The following LOXHD1 variants were observed in gnomAD, a reference collection of about 807,000 sequenced individuals.
LOXHD1 encodes lipoxygenase homology PLAT domains 1.
A neutral mutation model predicts 248.2 loss-of-function variants in LOXHD1; 205 were observed. The ratio of observed to expected loss-of-function variants is 0.83; its 90% CI spans 0.74 to 0.93. The LOEUF (loss-of-function observed/expected upper bound fraction) is 0.93, where lower values mean the gene tolerates loss of function less well. Ranked by LOEUF, LOXHD1 falls within the 40% of genes least tolerant of loss-of-function variation. The pLI is 0.00. For synonymous variants in LOXHD1, 1,113 were observed against 1,162.8 expected (o/e 0.96, Z 0.87); for missense variants, 2,930 against 2,971.6 (o/e 0.99, Z 0.33).
Position 46,484,999 on chromosome 18 carries a change from C to T in LOXHD1, c.6182+20G>A. The T allele has an allele frequency of 5.8e-6, 9 of 1,549,256 alleles. No individual in the cohort carries two copies. Among genetic ancestry groups the T allele is most frequent in the Non-Finnish European group, 7.9e-6 (9 of 1,145,054 alleles). On this transcript the variant is annotated intron_variant, in intron 39 of 40. Transcript: ENST00000642948. Reference sequence around the variant, plus strand: ...TACCTACCCACCCCCCACCACTTCCCATGGGCCTCCCCTTCCTACTTCCTA... The same window carrying T: ...TACCTACCCACCCCCCACCACTTCCTATGGGCCTCCCCTTCCTACTTCCTA...
Position 46,654,102 on chromosome 18 carries a change from G to A in LOXHD1, c.130+2802C>T, listed in dbSNP as rs192634618. ...CCCCTCGTGAAAGGGATTGGGTGCC[G>A]TTATAAAGGGGCTTGTCCTTCTGCC... On this transcript the variant is annotated intron_variant, in intron 1 of 40. Coordinates refer to ENST00000642948, the MANE Select transcript of LOXHD1 (RefSeq NM_001384474.1). 1.1e-3 allele frequency among the ~76,000 whole-genome samples: 172 copies of A among 152,290 alleles called. 1 individual carries two copies. Among genetic ancestry groups the A allele is most frequent in the African/African-American group, 3.7e-3 (154 of 41,566 alleles).
intron 5 of LOXHD1, among the ~76,000 whole-genome samples, chr18:46,612,388 A>G (rs2038521615): frequency 6.6e-6 from 1 of 152,154 alleles, no homozygotes; most frequent in South Asian, 2.1e-4. Context: ...ACATTAACAT[A>G]TATTTTTTAA....
At chr18:46,643,575 T>C (rs2038990187) in intron 2 of LOXHD1, among the ~76,000 whole-genome samples, 1 of 152,132 alleles carries the variant, frequency 6.6e-6, no homozygotes. Context: ...CAAAGGAGAA[T>C]AACAACACAC....
intron 34 of LOXHD1, among the ~76,000 whole-genome samples, chr18:46,517,479 C>A (rs2144074143): frequency 6.6e-6 from 1 of 152,236 alleles, no homozygotes; most frequent in African/African-American, 2.4e-5. Context: ...GAGGAAAAGA[C>A]TAAGTGTATC....
chr18:46,505,994 T>C lies in LOXHD1; in HGVS notation c.5722A>G (p.Ile1908Val), dbSNP rs781097312. 36 of 1,552,148 alleles carry C rather than the reference T, an allele frequency of 2.3e-5. No individual in the cohort carries two copies. Among genetic ancestry groups the C allele is most frequent in the Middle Eastern group, 3.3e-4 (2 of 6,020 alleles). Residue 1908 changes from isoleucine (I) to valine (V), a missense_variant, in exon 37 of 41, where the codon ATC becomes GTC. Physicochemically the swap from Ile to Val is conservative, Grantham distance 29. Coordinates refer to ENST00000642948, the MANE Select transcript of LOXHD1 (RefSeq NM_001384474.1). Reference sequence around the variant, plus strand: ...CTATCCCCGTTCTCCCCGAAGATGATGATGAACACGTTGGCATCAGTGCCT... The same window carrying C: ...CTATCCCCGTTCTCCCCGAAGATGACGATGAACACGTTGGCATCAGTGCCT... The part of the protein sequence containing the change: ...GAGTDANVFI[I>V]IFGENGDSGT...
chr18:46,560,048 T>TGCCTGCGCCC, intron 19 of LOXHD1, 35 bp downstream of exon 19: 2 of 1,226,298 alleles, frequency 1.6e-6, no homozygotes, highest in Non-Finnish European at 2.3e-6. Flanking sequence ...GTCTGGCCAC[T>TGCCTGCGCCC]CCCTCCCCAC....
chr18:46,484,981 C>G, intron 39 of LOXHD1, 38 bp downstream of exon 39: 1 of 1,541,310 alleles, frequency 6.5e-7, no homozygotes, highest in Non-Finnish European at 8.8e-7. Flanking sequence ...CCTTACCTAC[C>G]CACCCCCCAC....
chr18:46,554,323 G>C (rs1323472009), intron 21 of LOXHD1, among the ~76,000 whole-genome samples: 1 of 152,204 alleles, frequency 6.6e-6, no homozygotes, highest in Non-Finnish European at 1.5e-5. Context: ...CATGTCAACA[G>C]TGAGGGAGAT....
At position 46,529,300 on chromosome 18, in the gene LOXHD1, C is replaced by T. The variant is rs1171297100; in HGVS notation, c.4407G>A (p.Gly1469=). The stretch of plus-strand genomic sequence containing the variant: ...CATCCGTCCCTGCCCCAGGAATGTT[C>T]CCTGTGAAGATCTGCACCGAGTACA... The part of the protein sequence containing the change: ...IVLYSVQIFT[G]NIPGAGTDAK... The change falls in exon 29 of 41, where the codon GGG becomes GGA. Residue 1469 remains glycine, a synonymous_variant. Transcript: ENST00000642948. The T allele has an allele frequency of 1.3e-6, 2 of 1,551,304 alleles. No homozygotes were observed. Among genetic ancestry groups the T allele is most frequent in the Non-Finnish European group, 8.7e-7 (1 of 1,146,730 alleles).
At chr18:46,558,634 A>T (rs78736644) in intron 20 of LOXHD1, among the ~76,000 whole-genome samples, 12,649 of 152,282 alleles carry the variant, frequency 0.083, 750 homozygotes, top group Non-Finnish European at 0.13. Flanking sequence ...GTTCATTTTT[A>T]AAAAATCTGT....
intron 25 of LOXHD1, among the ~76,000 whole-genome samples, chr18:46,540,654 CTTTT>C (rs60099172): frequency 1.4e-4 from 13 of 91,422 alleles, no homozygotes; most frequent in Non-Finnish European, 1.6e-4. Flanking sequence ...AACTCTTTAT[CTTTT>C]TTTTTTTTTT....
At chr18:46,480,376 G>A (rs1009408289) in intron 40 of LOXHD1, among the ~76,000 whole-genome samples, 1 of 152,132 alleles carries the variant, frequency 6.6e-6, no homozygotes, top group African/African-American at 2.4e-5. Context: ...GGGGATGTCA[G>A]TGTTCCCTTT....
At chr18:46,558,752 C>T (rs1475413900) in intron 20 of LOXHD1, among the ~76,000 whole-genome samples, 3 of 152,064 alleles carry the variant, frequency 2.0e-5, no homozygotes, top group African/African-American at 7.2e-5. Flanking sequence ...GCAAAGATGA[C>T]GGCTTTATTT....
intron 4 of LOXHD1, among the ~76,000 whole-genome samples, chr18:46,618,891 A>G (rs1175276449): frequency 6.6e-6 from 1 of 152,214 alleles, no homozygotes; most frequent in Non-Finnish European, 1.5e-5. Flanking sequence ...GGGCTCTTTC[A>G]AAGACCTGTA....
At chr18:46,486,678 G>A (rs1475536577) in intron 38 of LOXHD1, among the ~76,000 whole-genome samples, 1 of 152,136 alleles carries the variant, frequency 6.6e-6, no homozygotes, top group Non-Finnish European at 1.5e-5. Context: ...TAGGGAAATG[G>A]TTTGTCAGAA....
At position 46,477,770 on chromosome 18, in the gene LOXHD1, A is replaced by G. The variant is rs546735322; in HGVS notation, c.6524T>C (p.Phe2175Ser). 6.7e-5 allele frequency: 104 copies of G among 1,551,862 alleles called. 2 individuals are homozygous for G. In the African/African-American group the frequency reaches 1.1e-3, roughly 17 times the overall value. The change falls in exon 41 of 41, where the codon TTC becomes TCC. Residue 2175 changes from phenylalanine (F) to serine (S), a missense_variant. Physicochemically the swap from Phe to Ser is radical, Grantham distance 155 (BLOSUM62 -2). Transcript: ENST00000642948. ...TCCGTTGGCCCCAAAGATGGTCACG[A>G]AGACGTTGGCATCAGTGCCTGCCCC... Reference protein sequence around the residue: ...EPGAGTDANVFVTIFGANGDT... With the variant: ...EPGAGTDANVSVTIFGANGDT...
chr18:46,518,171 T>C lies in LOXHD1; in HGVS notation c.5357A>G (p.Asn1786Ser), dbSNP rs192929296. The C allele has an allele frequency of 3.2e-5, 50 of 1,551,694 alleles. No homozygotes were observed. The Admixed American group carries it at 8.6e-4, about 27-fold the overall frequency. ...CAGCTGCATCTCCTCTGTGCTCCCG[T>C]TGATGCCGTAGAGGGTCATGAAGAT... ...SNIFMTLYGI[N>S]GSTEEMQLDK... Residue 1786 changes from asparagine (N) to serine (S), a missense_variant, in exon 34 of 41, where the codon AAC (asparagine) becomes AGC (serine). Asn to Ser is a conservative substitution (Grantham distance 46, BLOSUM62 1). Coordinates refer to ENST00000642948, the MANE Select transcript of LOXHD1 (RefSeq NM_001384474.1).
chr18:46,652,503 A>C (rs991410138), intron 1 of LOXHD1, among the ~76,000 whole-genome samples: 10 of 152,336 alleles, frequency 6.6e-5, no homozygotes, highest in Admixed American at 5.9e-4. Flanking sequence ...TTAAAACTAC[A>C]ATGAGACACT....
chr18:46,542,594 A>AG (rs2036610577), intron 24 of LOXHD1, 133 bp downstream of exon 24: 1 of 1,122,348 alleles, frequency 8.9e-7, no homozygotes, highest in South Asian at 1.5e-5. Flanking sequence ...ACTGGGCTAA[A>AG]GGGATTAAGG....
Sources: allele counts gnomAD v4.1 joint callset (sites outside exome capture counted in the v4.1 genomes callset), GRCh38; gene constraint gnomAD v4.1.1; transcripts MANE v1.5; gene names NCBI Gene and HGNC (gene_info 2026-07-23, HGNC 2026-07-21).